PHYHIPL: variants seen among roughly 807,000 people sequenced by gnomAD.
The protein encoded by PHYHIPL is phytanoyl-CoA 2-hydroxylase interacting protein like.
PHYHIPL carries 9 observed loss-of-function variants against 33.4 expected under a neutral mutation model. The observed-to-expected ratio is 0.27, with a 90% CI of 0.16 to 0.47. The LOEUF is 0.47. PHYHIPL is among the 20% of genes least tolerant of loss of function. The probability of loss-of-function intolerance (pLI) is 0.99; values close to 1 mark genes in which losing one functional copy is unlikely to be tolerated. For missense variants in PHYHIPL, 365 were observed against 460.7 expected (o/e 0.79, Z 1.90); for synonymous variants, 153 against 154.1 (o/e 0.99, Z 0.05).
chr10:59,220,838 A>G (rs1369438760), intron 1 of PHYHIPL, among the ~76,000 whole-genome samples: 1 of 152,018 alleles, frequency 6.6e-6, no homozygotes, highest in African/African-American at 2.4e-5. Context: ...ACCTCTTTGT[A>G]CCTCATTTTC....
chr10:59,183,960 G>A (rs1838486752), intron 1 of PHYHIPL, among the ~76,000 whole-genome samples: 1 of 152,146 alleles, frequency 6.6e-6, no homozygotes, highest in African/African-American at 2.4e-5. Flanking sequence ...AGTATACTCT[G>A]ATTTTTTTGA....
chr10:59,238,813 TTTC>T, intron 4 of PHYHIPL, 108 bp downstream of exon 4: 1 of 613,850 alleles, frequency 1.6e-6, no homozygotes, highest in East Asian at 2.8e-5. Flanking sequence ...CTAGATTTCT[TTTC>T]AAAATAACGA....
chr10:59,187,315 G>A (rs545999822), intron 1 of PHYHIPL, among the ~76,000 whole-genome samples: 11 of 152,176 alleles, frequency 7.2e-5, no homozygotes, highest in African/African-American at 1.9e-4. Context: ...GGATGAAGCC[G>A]ACTTGATTAT....
rs1261313913 is a variant in PHYHIPL, at chr10:59,246,556, A to G, written c.*965A>G. On this transcript the variant is annotated 3_prime_UTR_variant, in exon 5 of 5. Transcript: ENST00000373880. ...TGACCTTTTACTTCCTTTTACAAAA[A>G]TGAAAATAATAAACATGTTTTCGTA... 5.1e-6 allele frequency: 2 copies of G among 395,774 alleles called. No homozygotes were observed. The highest frequency in any genetic ancestry group is 8.9e-6 in the Non-Finnish European group (2 of 223,994). The allele number at this position is 395,774 out of a possible 1,614,324, so 24.5% of individuals were successfully genotyped here. A position where few individuals can be genotyped will look rare whatever the true frequency, so the allele number is the denominator to read the frequency against.
intron 1 of PHYHIPL, among the ~76,000 whole-genome samples, chr10:59,218,641 G>A (rs1403986583): frequency 6.6e-6 from 1 of 152,046 alleles, no homozygotes; most frequent in Non-Finnish European, 1.5e-5. Flanking sequence ...GGTTAAAATA[G>A]GGCTGGATTC....
chr10:59,200,973 G>A (rs181482812), intron 1 of PHYHIPL, among the ~76,000 whole-genome samples: 4,180 of 152,010 alleles, frequency 0.027, 76 homozygotes, highest in Middle Eastern at 0.058. Flanking sequence ...TCTTGCTAGC[G>A]GTCTATCCAT....
intron 1 of PHYHIPL, among the ~76,000 whole-genome samples, chr10:59,218,773 G>T (rs1839684067): frequency 6.6e-6 from 1 of 151,302 alleles, no homozygotes; most frequent in African/African-American, 2.4e-5. Context: ...ATAGTTTGAG[G>T]GACTCTCTTT....
At chr10:59,188,563 G>C (rs995442059) in intron 1 of PHYHIPL, among the ~76,000 whole-genome samples, 14 of 152,058 alleles carry the variant, frequency 9.2e-5, no homozygotes, top group Admixed American at 2.0e-4. Flanking sequence ...GTTGACAGTG[G>C]GGTGTTAAAG....
chr10:59,182,998 C>A (rs1838452751), intron 1 of PHYHIPL, among the ~76,000 whole-genome samples: 1 of 152,128 alleles, frequency 6.6e-6, no homozygotes, highest in Non-Finnish European at 1.5e-5. Flanking sequence ...TGGTGAATAT[C>A]CAAATATGTC....
intron 1 of PHYHIPL, among the ~76,000 whole-genome samples, chr10:59,199,753 C>T (rs1437867463): frequency 6.6e-6 from 1 of 152,142 alleles, no homozygotes; most frequent in Non-Finnish European, 1.5e-5. Flanking sequence ...TTGTAGTTCT[C>T]CTTGAAGAGG....
In PHYHIPL at chr10:59,245,180, G is replaced by A; in HGVS notation, c.720G>A (p.Lys240=). The change falls in exon 5 of 5, where the codon AAG becomes AAA. Residue 240 remains lysine (K), a synonymous_variant. Transcript: ENST00000373880. Reference sequence around the variant, plus strand: ...GCAGCACTGAATTCAATACTGGAAAGCCACCCCAGGATTCACCTTATGGAA... The same window carrying A: ...GCAGCACTGAATTCAATACTGGAAAACCACCCCAGGATTCACCTTATGGAA... The part of the protein sequence containing the change: ...FSCSTEFNTG[K]PPQDSPYGRY... 6.2e-7 allele frequency: 1 copy of A among 1,614,130 alleles called. No homozygotes were observed.
chr10:59,182,448 C>T (rs1218149715), intron 1 of PHYHIPL, among the ~76,000 whole-genome samples: 1 of 152,050 alleles, frequency 6.6e-6, no homozygotes, highest in African/African-American at 2.4e-5. Flanking sequence ...TTTCACGTGA[C>T]TCTCCTGCCT....
chr10:59,219,938 G>T (rs537287171), intron 1 of PHYHIPL, among the ~76,000 whole-genome samples: 1 of 152,128 alleles, frequency 6.6e-6, no homozygotes, highest in African/African-American at 2.4e-5. Flanking sequence ...ACATGAAAAA[G>T]CAGACAAATA....
At chr10:59,223,406 G>T (rs1263478780) in intron 1 of PHYHIPL, among the ~76,000 whole-genome samples, 1 of 152,012 alleles carries the variant, frequency 6.6e-6, no homozygotes, top group African/African-American at 2.4e-5. Flanking sequence ...CTTGTGCAGG[G>T]TAGCATAATT....
chr10:59,210,076 A>C (rs1839400492), intron 1 of PHYHIPL, among the ~76,000 whole-genome samples: 4 of 152,192 alleles, frequency 2.6e-5, no homozygotes, highest in African/African-American at 9.6e-5. Context: ...AAAATTGACA[A>C]ATGGGATCTA....
At chr10:59,241,280 CT>C (rs1356229682) in intron 4 of PHYHIPL, among the ~76,000 whole-genome samples, 1 of 152,068 alleles carries the variant, frequency 6.6e-6, no homozygotes, top group Non-Finnish European at 1.5e-5. Flanking sequence ...CTTTTAATTA[CT>C]GGATACACTT....
chr10:59,215,601 TA>T (rs916878541), intron 1 of PHYHIPL, among the ~76,000 whole-genome samples: 5 of 151,864 alleles, frequency 3.3e-5, no homozygotes, highest in African/African-American at 1.2e-4. Flanking sequence ...GAAAAACAGA[TA>T]ACGATATAAA....
intron 1 of PHYHIPL, among the ~76,000 whole-genome samples, chr10:59,202,615 AG>A (rs1404851161): frequency 6.6e-6 from 1 of 152,206 alleles, no homozygotes; most frequent in Non-Finnish European, 1.5e-5. Flanking sequence ...GTGCTTAAAT[AG>A]TATTACATTT....
At chr10:59,180,391 T>G (rs2133176810) in intron 1 of PHYHIPL, among the ~76,000 whole-genome samples, 2 of 146,154 alleles carry the variant, frequency 1.4e-5, no homozygotes, top group East Asian at 2.0e-4. Flanking sequence ...ACAGGAAAGA[T>G]TTATCTACAT....
Sources: allele counts gnomAD v4.1 joint callset (sites outside exome capture counted in the v4.1 genomes callset), GRCh38; gene constraint gnomAD v4.1.1; transcripts MANE v1.5; gene names NCBI Gene and HGNC (gene_info 2026-07-23, HGNC 2026-07-21).